ARHGEF11: variants seen among roughly 807,000 people sequenced by gnomAD.
ARHGEF11 encodes Rho guanine nucleotide exchange factor 11.
In ARHGEF11, 55 loss-of-function variants were observed where a neutral mutation model predicts 193.7. That is an observed-to-expected ratio of 0.28 (90% CI 0.23 to 0.36). ARHGEF11 has a LOEUF of 0.36. Ranked by LOEUF, ARHGEF11 falls within the 10% of genes least tolerant of loss-of-function variation. The pLI, the probability that ARHGEF11 is intolerant of heterozygous loss-of-function variation, is 1.00. For missense variants in ARHGEF11, 1,723 were observed against 2,005.6 expected, an observed-to-expected ratio of 0.86 and a Z score of 2.69; for synonymous variants, 693 against 768.0, an observed-to-expected ratio of 0.90 and a Z score of 1.62.
At chr1:157,018,469 C>T (rs11264600) in intron 1 of ARHGEF11, among the ~76,000 whole-genome samples, 27,070 of 151,834 alleles carry the variant, frequency 0.18, 2,989 homozygotes, top group East Asian at 0.44. Flanking sequence ...TGGTGAAACC[C>T]CGTCTCTACT....
chr1:156,969,565 C>T (rs1266405284), intron 9 of ARHGEF11, among the ~76,000 whole-genome samples: 2 of 152,194 alleles, frequency 1.3e-5, no homozygotes, highest in Admixed American at 1.3e-4. Flanking sequence ...ATCTAGCTTT[C>T]ACCTGTCTAT....
chr1:156,997,181 T>C (rs1666641568), intron 1 of ARHGEF11, among the ~76,000 whole-genome samples: 1 of 152,058 alleles, frequency 6.6e-6, no homozygotes. Context: ...GAACCTCTCT[T>C]AAACTCTCTG....
At chr1:156,993,407 T>C (rs149968803) in intron 1 of ARHGEF11, among the ~76,000 whole-genome samples, 1 of 152,322 alleles carries the variant, frequency 6.6e-6, no homozygotes, top group African/African-American at 2.4e-5. Flanking sequence ...ACATATGCTA[T>C]ATATGTATAT....
chr1:156,998,105 C>T (rs111531953), intron 1 of ARHGEF11, among the ~76,000 whole-genome samples: 1 of 152,178 alleles, frequency 6.6e-6, no homozygotes. Context: ...TCCACATTGT[C>T]GACCTCTCTC....
intron 1 of ARHGEF11, among the ~76,000 whole-genome samples, chr1:157,008,105 T>A (rs1414164218): frequency 6.6e-6 from 1 of 152,150 alleles, no homozygotes; most frequent in Non-Finnish European, 1.5e-5. Flanking sequence ...AAACATTTCA[T>A]ATAACTCAAA....
At chr1:157,008,510 T>C (rs1245300483) in intron 1 of ARHGEF11, among the ~76,000 whole-genome samples, 2 of 152,068 alleles carry the variant, frequency 1.3e-5, no homozygotes, top group Non-Finnish European at 2.9e-5. Context: ...AATGTGACCA[T>C]GCTGGCACCT....
At chr1:156,993,226 T>C (rs1666022452) in intron 1 of ARHGEF11, among the ~76,000 whole-genome samples, 1 of 152,184 alleles carries the variant, frequency 6.6e-6, no homozygotes, top group East Asian at 1.9e-4. Context: ...TCTGTGCTCC[T>C]AAATAAAAAA....
chr1:156,977,420 GT>G (rs982229904), intron 6 of ARHGEF11, among the ~76,000 whole-genome samples: 8 of 151,626 alleles, frequency 5.3e-5, no homozygotes, highest in Non-Finnish European at 1.2e-4. Flanking sequence ...TTTTTGTTTT[GT>G]TTTTTCTTTG....
intron 1 of ARHGEF11, among the ~76,000 whole-genome samples, chr1:157,035,874 T>C (rs112534644): frequency 1.0e-4 from 14 of 139,290 alleles, no homozygotes; most frequent in Admixed American, 1.5e-4. Context: ...TATAGGAATA[T>C]ATATAGGAAT....
chr1:156,953,712 C>A (rs1356107236), intron 21 of ARHGEF11, among the ~76,000 whole-genome samples: 2 of 152,120 alleles, frequency 1.3e-5, no homozygotes, highest in East Asian at 3.9e-4. Context: ...ATTGTAGAAC[C>A]TAGAAAGTGT....
intron 1 of ARHGEF11, among the ~76,000 whole-genome samples, chr1:157,036,071 C>G (rs910585764): frequency 2.4e-5 from 3 of 124,816 alleles, no homozygotes; most frequent in Non-Finnish European, 3.4e-5. Context: ...ATATATGAAT[C>G]TATATGAATA....
chr1:157,037,981 G>A (rs898492038), intron 1 of ARHGEF11, among the ~76,000 whole-genome samples: 5 of 128,120 alleles, frequency 3.9e-5, no homozygotes, highest in Admixed American at 2.0e-4. Flanking sequence ...GCAGTGAGCC[G>A]AGATCACGCC....
Position 157,044,290 on chromosome 1 carries a change from C to T in ARHGEF11, c.32+9G>A, listed in dbSNP as rs1405909023. On this transcript the variant is annotated intron_variant, in intron 1 of 40. Coordinates refer to ENST00000368194, the MANE Select transcript of ARHGEF11 (RefSeq NM_198236.3). ...CAATGTTGAAAAATCAAATTATTAG[C>T]AAACCTACCTGTCTATACTCTGGGG... The T allele has an allele frequency of 1.2e-6, 2 of 1,613,246 alleles. No homozygotes were observed. The highest frequency in any genetic ancestry group is 1.7e-6 in the Non-Finnish European group (2 of 1,179,572).
intron 40 of ARHGEF11, 65 bp from the exon 41 acceptor site, chr1:156,936,123 C>G: frequency 6.5e-7 from 1 of 1,527,696 alleles, no homozygotes. Context: ...CATGTTTTGT[C>G]TAGAAAGTTC....
rs1201504612 is a variant in ARHGEF11 at position 156,968,121 on chromosome 1, A to C, written c.829T>G (p.Leu277Val). The change falls in exon 11 of 41, where the codon TTG (leucine) becomes GTG (valine). Residue 277 changes from leucine (L) to valine (V), a missense_variant. Leu to Val is a conservative substitution (Grantham distance 32). Coordinates refer to ENST00000368194, the MANE Select transcript of ARHGEF11 (RefSeq NM_198236.3). Reference sequence around the variant, plus strand: ...GACAGTACCGAGTTCCGATTCATCAATGACTAGAGAAACAAAGAATTCTGT... The same window carrying C: ...GACAGTACCGAGTTCCGATTCATCACTGACTAGAGAAACAAAGAATTCTGT... ...TERFPSLSES[L>V]MNRNSVLSDP... The C allele has an allele frequency of 6.2e-7, 1 of 1,605,148 alleles. No individual in the cohort carries two copies. The highest frequency in any genetic ancestry group is 1.3e-5 in the African/African-American group (1 of 74,654).
At chr1:156,988,573 C>T (rs1221721399) in intron 1 of ARHGEF11, among the ~76,000 whole-genome samples, 1 of 152,150 alleles carries the variant, frequency 6.6e-6, no homozygotes, top group East Asian at 1.9e-4. Context: ...GCATCTGAAC[C>T]TGAGAACCTG....
At chr1:157,027,423 G>T (rs1041677113) in intron 1 of ARHGEF11, among the ~76,000 whole-genome samples, 3 of 152,014 alleles carry the variant, frequency 2.0e-5, no homozygotes, top group Middle Eastern at 3.2e-3. Flanking sequence ...GGGTACTGTG[G>T]GAGTATTGAC....
At chr1:156,987,359 T>C (rs1268812922) in intron 1 of ARHGEF11, among the ~76,000 whole-genome samples, 3 of 152,216 alleles carry the variant, frequency 2.0e-5, no homozygotes, top group Non-Finnish European at 4.4e-5. Flanking sequence ...TTATACATGA[T>C]ACAGAATATC....
chr1:156,991,119 A>G (rs771966217), intron 1 of ARHGEF11, among the ~76,000 whole-genome samples: 3 of 152,224 alleles, frequency 2.0e-5, no homozygotes, highest in African/African-American at 2.4e-5. Flanking sequence ...CCGTTCCTAA[A>G]CAATACCAAT....
Sources: gnomAD v4.1 joint callset for allele counts (sites outside exome capture counted in the v4.1 genomes callset) on GRCh38, gnomAD v4.1.1 for gene constraint, MANE v1.5 for transcripts, NCBI Gene and HGNC (gene_info 2026-07-23, HGNC 2026-07-21) for gene names.